Variants in PDK1 observed in about 807,000 individuals in gnomAD.
The protein encoded by PDK1 is pyruvate dehydrogenase kinase 1.
A neutral mutation model predicts 54.2 loss-of-function variants in PDK1; 39 were observed. The observed-to-expected ratio is 0.72, with a 90% CI of 0.56 to 0.94. PDK1 has a LOEUF of 0.94. Among genes scored for constraint, PDK1 ranks in the 40% least tolerant of loss-of-function variants. PDK1 has a pLI of 0.00. For missense variants in PDK1, 552 were observed against 566.0 expected (o/e 0.98, Z 0.25); for synonymous variants, 221 against 207.1 (o/e 1.07, Z -0.58).
At position 172,602,183 on chromosome 2, in the gene PDK1, A is replaced by G. The variant is rs1691137888; in HGVS notation, c.*6214A>G. ...ATCTCAAAGCTACACTTGAGCAAAG[A>G]CTGTGAAATATTAATAGACCAATCT... On this transcript the variant is annotated 3_prime_UTR_variant, in exon 11 of 11. Transcript: ENST00000282077. The G allele has an allele frequency of 6.6e-6, 1 of 152,242 alleles. No individual in the cohort carries two copies. The highest frequency in any genetic ancestry group is 1.5e-5 in the Non-Finnish European group (1 of 68,028). The allele number at this position is 152,242 out of a possible 1,614,324, so 9.4% of individuals were successfully genotyped here.
intron 8 of PDK1, among the ~76,000 whole-genome samples, chr2:172,573,522 C>CATACAT (rs924559500): frequency 2.6e-5 from 4 of 151,172 alleles, no homozygotes; most frequent in Admixed American, 1.3e-4. Flanking sequence ...TATACACACA[C>CATACAT]ATACATATAC....
At position 172,598,516 on chromosome 2, in the gene PDK1, G is replaced by C. The variant is rs1423610420; in HGVS notation, c.*2547G>C. On this transcript the variant is annotated 3_prime_UTR_variant, in exon 11 of 11. Coordinates refer to ENST00000282077, the MANE Select transcript of PDK1 (RefSeq NM_002610.5). Reference sequence around the variant, plus strand: ...ACCAGCATTAATGTAACACAGTGTAGTTATGAAAATATATTGAAGGACAGG... The same window carrying C: ...ACCAGCATTAATGTAACACAGTGTACTTATGAAAATATATTGAAGGACAGG... The C allele has an allele frequency of 1.3e-5, 2 of 152,130 alleles. No individual in the cohort carries two copies. Among genetic ancestry groups the C allele is most frequent in the Admixed American group, 6.5e-5 (1 of 15,268 alleles). The allele number at this position is 152,130 out of a possible 1,614,324, so 9.4% of individuals were successfully genotyped here.
At chr2:172,680,336 C>CTT in the PDK1 span, among the ~76,000 whole-genome samples, 1 of 151,786 alleles carries the variant, frequency 6.6e-6, no homozygotes, top group East Asian at 1.9e-4. Context: ...TTGTACTATC[C>CTT]TTTCTTTCTT....
At chr2:172,721,111 G>A in the PDK1 span, among the ~76,000 whole-genome samples, 3 of 152,140 alleles carry the variant, frequency 2.0e-5, no homozygotes, top group Non-Finnish European at 2.9e-5. Flanking sequence ...GATGGCAACC[G>A]GCATCTCTTC....
chr2:172,621,929 G>A, the PDK1 span, among the ~76,000 whole-genome samples: 4 of 145,062 alleles, frequency 2.8e-5, no homozygotes, highest in Non-Finnish European at 6.0e-5. Flanking sequence ...TATGATATAT[G>A]TTTATATCTC....
chr2:172,634,772 C>CAAAAAAAAA, the PDK1 span, among the ~76,000 whole-genome samples: 2 of 129,750 alleles, frequency 1.5e-5, no homozygotes, highest in African/African-American at 5.9e-5. Flanking sequence ...TCTTAAAATG[C>CAAAAAAAAA]AAAAAAAAAA....
the PDK1 span, among the ~76,000 whole-genome samples, chr2:172,696,528 T>C: frequency 6.6e-6 from 1 of 152,208 alleles, no homozygotes; most frequent in Admixed American, 6.6e-5. Flanking sequence ...ATTTAGCTGC[T>C]CTCATAATCT....
chr2:172,657,108 A>G, the PDK1 span, among the ~76,000 whole-genome samples: 1 of 151,876 alleles, frequency 6.6e-6, no homozygotes, highest in African/African-American at 2.4e-5. Flanking sequence ...TGTCTTGCAA[A>G]TTTTCTGGGA....
At chr2:172,633,145 C>T in the PDK1 span, among the ~76,000 whole-genome samples, 4 of 151,780 alleles carry the variant, frequency 2.6e-5, no homozygotes, top group Admixed American at 6.6e-5. Flanking sequence ...TGGGCTCAAG[C>T]GATCCTCCTG....
chr2:172,651,294 A>G, the PDK1 span, among the ~76,000 whole-genome samples: 1 of 152,354 alleles, frequency 6.6e-6, no homozygotes, highest in South Asian at 2.1e-4. Context: ...AAGACACAAC[A>G]TATCAGAATC....
chr2:172,705,999 C>G, the PDK1 span, among the ~76,000 whole-genome samples: 42 of 152,188 alleles, frequency 2.8e-4, no homozygotes, highest in African/African-American at 1.0e-3. Flanking sequence ...CCCCACTCAC[C>G]CTTTACCCAG....
intron 7 of PDK1, among the ~76,000 whole-genome samples, chr2:172,569,439 G>T (rs1689131867): frequency 6.6e-6 from 1 of 152,092 alleles, no homozygotes; most frequent in South Asian, 2.1e-4. Flanking sequence ...ATACTTGCTG[G>T]TTGACAAGAA....
In PDK1 at chr2:172,599,156, T is replaced by TAAAAA. The variant is rs201621090; in HGVS notation, c.*3200_*3204dup. The TAAAAA allele has an allele frequency of 7.9e-6, 1 of 126,088 alleles. No homozygotes were observed. Among genetic ancestry groups the TAAAAA allele is most frequent in the African/African-American group, 2.9e-5 (1 of 35,050 alleles). 7.8% of individuals were successfully genotyped at this position (126,088 alleles called of 1,614,324 possible). ...TGAATAACTTTCCACAGTATAACTG[T>TAAAAA]AAAAAAAAAAAAAAAAAGTCTTAAT... is the stretch of plus-strand genomic sequence containing the variant. On this transcript the variant is annotated 3_prime_UTR_variant, in exon 11 of 11. Transcript: ENST00000282077.
At chr2:172,694,238 C>CTCT in the PDK1 span, among the ~76,000 whole-genome samples, 3 of 152,198 alleles carry the variant, frequency 2.0e-5, no homozygotes, top group East Asian at 3.9e-4. Context: ...TTAAGTAAGG[C>CTCT]TCTTGCACTG....
the PDK1 span, among the ~76,000 whole-genome samples, chr2:172,644,319 A>G: frequency 6.6e-6 from 1 of 152,258 alleles, no homozygotes; most frequent in Admixed American, 6.5e-5. Context: ...ATGATAACAT[A>G]ATAGTTAAAT....
intron 9 of PDK1, among the ~76,000 whole-genome samples, chr2:172,592,389 C>G (rs1223302183): frequency 2.0e-5 from 3 of 152,126 alleles, no homozygotes; most frequent in Non-Finnish European, 4.4e-5. Context: ...CTTTCTCTCT[C>G]TCTCTGACTC....
chr2:172,574,210 T>C (rs1689452626), intron 8 of PDK1, among the ~76,000 whole-genome samples: 1 of 152,258 alleles, frequency 6.6e-6, no homozygotes, highest in African/African-American at 2.4e-5. Flanking sequence ...TCAATTGCCC[T>C]GTCACCCTTG....
At chr2:172,621,505 G>C in the PDK1 span, among the ~76,000 whole-genome samples, 1 of 149,678 alleles carries the variant, frequency 6.7e-6, no homozygotes, top group African/African-American at 2.4e-5. Context: ...GTGATCATGT[G>C]AGTTAATACT....
At chr2:172,613,181 A>G (rs1406436305), downstream of PDK1, among the ~76,000 whole-genome samples, 2 of 152,224 alleles carry the variant, frequency 1.3e-5, no homozygotes, top group Non-Finnish European at 2.9e-5. Flanking sequence ...AAGACTGCCC[A>G]TGAGGACACC....
Sources: gnomAD v4.1 joint callset for allele counts (sites outside exome capture counted in the v4.1 genomes callset) on GRCh38, gnomAD v4.1.1 for gene constraint, MANE v1.5 for transcripts, NCBI Gene and HGNC (gene_info 2026-07-23, HGNC 2026-07-21) for gene names.